ARHGAP15: variants seen among roughly 807,000 people sequenced by gnomAD.
ARHGAP15 encodes the protein Rho GTPase activating protein 15, also known as rho GTPase-activating protein 15.
ARHGAP15 carries 51 observed loss-of-function variants against 63.7 expected under a neutral mutation model. That is an observed-to-expected ratio of 0.80 (90% CI 0.64 to 1.01). The LOEUF is 1.01. Among genes scored for constraint, ARHGAP15 ranks in the 50% least tolerant of loss-of-function variants. The probability of loss-of-function intolerance (pLI) is 0.00; values close to 1 mark genes in which losing one functional copy is unlikely to be tolerated. For missense variants in ARHGAP15, 560 were observed against 564.6 expected, an observed-to-expected ratio of 0.99 and a Z score of 0.08; for synonymous variants, 191 against 193.8, an observed-to-expected ratio of 0.99 and a Z score of 0.12.
At chr2:143,227,575 A>T (rs1256577196) in intron 4 of ARHGAP15, among the ~76,000 whole-genome samples, 1 of 152,198 alleles carries the variant, frequency 6.6e-6, no homozygotes, top group Non-Finnish European at 1.5e-5. Context: ...TGGAATTAAT[A>T]ATCAGAAGGA....
At chr2:143,632,961 T>C (rs1377677695) in intron 12 of ARHGAP15, among the ~76,000 whole-genome samples, 1 of 152,148 alleles carries the variant, frequency 6.6e-6, no homozygotes, top group Non-Finnish European at 1.5e-5. Context: ...GAAAGCATGA[T>C]AGTGACAAAT....
intron 8 of ARHGAP15, among the ~76,000 whole-genome samples, chr2:143,454,889 A>G (rs879737953): frequency 6.6e-6 from 1 of 152,064 alleles, no homozygotes; most frequent in Non-Finnish European, 1.5e-5. Context: ...TTCACATCAC[A>G]GACATTTGTA....
At chr2:143,280,275 G>T (rs1310540071) in intron 6 of ARHGAP15, among the ~76,000 whole-genome samples, 1 of 152,066 alleles carries the variant, frequency 6.6e-6, no homozygotes, top group Non-Finnish European at 1.5e-5. Context: ...CACTCAATCT[G>T]CCAGGCATCA....
chr2:143,132,761 A>C (rs771849150), intron 1 of ARHGAP15, among the ~76,000 whole-genome samples: 5 of 152,256 alleles, frequency 3.3e-5, no homozygotes, highest in Non-Finnish European at 7.3e-5. Context: ...CTACGGAGTC[A>C]CGTATGGTCA....
At chr2:143,470,703 A>G (rs1691485058) in intron 8 of ARHGAP15, among the ~76,000 whole-genome samples, 2 of 149,632 alleles carry the variant, frequency 1.3e-5, no homozygotes, top group South Asian at 2.2e-4. Flanking sequence ...ATATGTGTAT[A>G]TATATGTGTT....
intron 6 of ARHGAP15, among the ~76,000 whole-genome samples, chr2:143,275,569 C>T (rs1681507446): frequency 6.6e-6 from 1 of 152,144 alleles, no homozygotes; most frequent in Non-Finnish European, 1.5e-5. Context: ...AGATTATTCT[C>T]ATTACTTACT....
intron 6 of ARHGAP15, among the ~76,000 whole-genome samples, chr2:143,401,343 A>G (rs939075078): frequency 6.6e-6 from 1 of 152,114 alleles, no homozygotes; most frequent in East Asian, 1.9e-4. Context: ...TGCACTTCCA[A>G]TGCATAAAAA....
chr2:143,151,584 G>A (rs1689823255), intron 1 of ARHGAP15, among the ~76,000 whole-genome samples: 1 of 151,902 alleles, frequency 6.6e-6, no homozygotes, highest in Non-Finnish European at 1.5e-5. Flanking sequence ...GTGATTCAGA[G>A]GTAAGAAAGA....
chr2:143,675,977 G>C (rs1682805499), intron 12 of ARHGAP15, among the ~76,000 whole-genome samples: 1 of 152,174 alleles, frequency 6.6e-6, no homozygotes, highest in Non-Finnish European at 1.5e-5. Context: ...TTATTGTTTA[G>C]TGTAACCACC....
chr2:143,337,574 T>C (rs1246693406), intron 6 of ARHGAP15, among the ~76,000 whole-genome samples: 2 of 152,202 alleles, frequency 1.3e-5, no homozygotes, highest in Non-Finnish European at 2.9e-5. Flanking sequence ...GTTACCAATT[T>C]TGATATGAAA....
At chr2:143,728,492 A>G (rs1188561272) in intron 13 of ARHGAP15, among the ~76,000 whole-genome samples, 1 of 152,176 alleles carries the variant, frequency 6.6e-6, no homozygotes, top group Non-Finnish European at 1.5e-5. Flanking sequence ...CAAGCTGTTG[A>G]CATGCCCCGT....
At chr2:143,493,615 CTG>C (rs1331551421) in intron 9 of ARHGAP15, among the ~76,000 whole-genome samples, 3 of 152,070 alleles carry the variant, frequency 2.0e-5, no homozygotes, top group African/African-American at 7.2e-5. Context: ...CTCAAACTGT[CTG>C]TGTATTCTAG....
At chr2:143,258,618 A>G (rs750657416) in intron 6 of ARHGAP15, among the ~76,000 whole-genome samples, 3 of 152,156 alleles carry the variant, frequency 2.0e-5, no homozygotes, top group African/African-American at 7.2e-5. Context: ...CTGCTCTTTT[A>G]TCTTAACAAA....
chr2:143,445,163 T>TTTC (rs930048483), intron 8 of ARHGAP15, among the ~76,000 whole-genome samples: 3 of 129,992 alleles, frequency 2.3e-5, no homozygotes, highest in Non-Finnish European at 4.9e-5. Context: ...ATTTTTTTTT[T>TTTC]TTTTTTTTTT....
At chr2:143,702,010 T>G (rs1191699032) in intron 12 of ARHGAP15, among the ~76,000 whole-genome samples, 1 of 152,174 alleles carries the variant, frequency 6.6e-6, no homozygotes, top group African/African-American at 2.4e-5. Context: ...CCACTCCAGC[T>G]CCAAGGCAGC....
At chr2:143,227,094 C>T (rs2105168122) in intron 4 of ARHGAP15, among the ~76,000 whole-genome samples, 2 of 152,270 alleles carry the variant, frequency 1.3e-5, no homozygotes, top group South Asian at 4.1e-4. Flanking sequence ...CTGAAGCAAA[C>T]TGCAGCAATA....
chr2:143,260,027 CT>C (rs1680640623), intron 6 of ARHGAP15, among the ~76,000 whole-genome samples: 1 of 151,950 alleles, frequency 6.6e-6, no homozygotes, highest in Admixed American at 6.6e-5. Context: ...CTGAATTTGA[CT>C]TTAGAAATAA....
At chr2:143,527,662 A>G (rs1016525871) in intron 10 of ARHGAP15, among the ~76,000 whole-genome samples, 1 of 152,178 alleles carries the variant, frequency 6.6e-6, no homozygotes, top group South Asian at 2.1e-4. Context: ...TCTAGGGTGT[A>G]AGTATATCTT....
intron 11 of ARHGAP15, among the ~76,000 whole-genome samples, chr2:143,604,363 A>G (rs1203286361): frequency 6.6e-6 from 1 of 152,196 alleles, no homozygotes; most frequent in East Asian, 1.9e-4. Flanking sequence ...GTGTGTGTGC[A>G]CTGTTCTTCA....
Sources: allele counts gnomAD v4.1 joint callset (sites outside exome capture counted in the v4.1 genomes callset), GRCh38; gene constraint gnomAD v4.1.1; transcripts MANE v1.5; gene names NCBI Gene and HGNC (gene_info 2026-07-23, HGNC 2026-07-21).